DLC1: variants seen among roughly 807,000 people sequenced by gnomAD.
The protein encoded by DLC1 is rho GTPase-activating protein 7.
Under a neutral mutation model 140.3 loss-of-function variants are expected in DLC1, and 54 were observed. The observed-to-expected ratio is 0.38, with a 90% CI of 0.31 to 0.48. The LOEUF is 0.48. DLC1 is among the 20% of genes least tolerant of loss of function. The probability of loss-of-function intolerance (pLI) is 0.96; values close to 1 mark genes in which losing one functional copy is unlikely to be tolerated. For missense variants in DLC1, 2,536 were observed against 1,907.0 expected, an observed-to-expected ratio of 1.33 and a Z score of -6.14; for synonymous variants, 986 against 728.1, an observed-to-expected ratio of 1.35 and a Z score of -5.70.
chr8:13,143,526 GT>G (rs768081886), intron 5 of DLC1, among the ~76,000 whole-genome samples: 3 of 152,100 alleles, frequency 2.0e-5, no homozygotes, highest in Non-Finnish European at 4.4e-5. Flanking sequence ...TGTGATCACG[GT>G]TCACTGCAGC....
At chr8:13,325,447 TATACACAC>T (rs1833298115) in intron 4 of DLC1, among the ~76,000 whole-genome samples, 1 of 149,058 alleles carries the variant, frequency 6.7e-6, no homozygotes, top group African/African-American at 2.5e-5. Context: ...AATAGTTCTG[TATACACAC>T]ACACACACAC....
chr8:13,600,135 T>C (rs1805824698), intron 1 of DLC1, among the ~76,000 whole-genome samples: 1 of 151,820 alleles, frequency 6.6e-6, no homozygotes, highest in Non-Finnish European at 1.5e-5. Context: ...TACCAAAAAT[T>C]CTGAGTATAA....
chr8:13,102,037 AT>A (rs1819138531), intron 8 of DLC1, among the ~76,000 whole-genome samples: 2 of 152,108 alleles, frequency 1.3e-5, no homozygotes, highest in African/African-American at 4.8e-5. Context: ...GTTCCAGTTC[AT>A]TTGTTTAAAA....
chr8:13,207,666 G>C (rs1466636985), intron 5 of DLC1, among the ~76,000 whole-genome samples: 1 of 152,118 alleles, frequency 6.6e-6, no homozygotes, highest in African/African-American at 2.4e-5. Context: ...TTAGAGTAGT[G>C]GTTCTCAGTT....
intron 1 of DLC1, among the ~76,000 whole-genome samples, chr8:13,506,418 C>T (rs1416370773): frequency 4.0e-5 from 6 of 151,384 alleles, no homozygotes; most frequent in African/African-American, 9.7e-5. Context: ...TCTTTTCTTA[C>T]TTCTTCCTTA....
intron 5 of DLC1, among the ~76,000 whole-genome samples, chr8:13,156,719 C>T (rs1824286399): frequency 6.6e-6 from 1 of 152,098 alleles, no homozygotes; most frequent in Non-Finnish European, 1.5e-5. Flanking sequence ...AGAATGTTCG[C>T]AACTCAAAAA....
intron 5 of DLC1, among the ~76,000 whole-genome samples, chr8:13,270,829 G>T (rs1246394811): frequency 6.6e-6 from 1 of 152,182 alleles, no homozygotes; most frequent in Admixed American, 6.5e-5. Flanking sequence ...CCCTCAGGAA[G>T]TAGGGTATCA....
At chr8:13,422,773 G>A (rs1037390249) in intron 2 of DLC1, among the ~76,000 whole-genome samples, 6 of 151,432 alleles carry the variant, frequency 4.0e-5, no homozygotes, top group African/African-American at 1.5e-4. Flanking sequence ...ACTACATCTG[G>A]TGGATCAACA....
intron 1 of DLC1, among the ~76,000 whole-genome samples, chr8:13,512,279 C>T (rs1332477082): frequency 3.4e-5 from 5 of 147,632 alleles, no homozygotes; most frequent in Non-Finnish European, 7.4e-5. Flanking sequence ...AAGGAAATGG[C>T]AGCTATTAGA....
intron 1 of DLC1, among the ~76,000 whole-genome samples, chr8:13,500,481 T>G (rs1369701459): frequency 6.6e-6 from 1 of 152,218 alleles, no homozygotes; most frequent in Admixed American, 6.5e-5. Context: ...CATTTAAAAC[T>G]CCATTAAGAA....
intron 4 of DLC1, among the ~76,000 whole-genome samples, chr8:13,371,467 G>C (rs1025869497): frequency 1.3e-5 from 2 of 152,076 alleles, no homozygotes; most frequent in Non-Finnish European, 2.9e-5. Flanking sequence ...ATTCTAACCA[G>C]CCTCTGCTCC....
intron 5 of DLC1, among the ~76,000 whole-genome samples, chr8:13,210,835 C>A (rs994835299): frequency 6.6e-6 from 1 of 152,052 alleles, no homozygotes; most frequent in Non-Finnish European, 1.5e-5. Context: ...CTATTCTTGC[C>A]GCTTTTAAGT....
intron 5 of DLC1, among the ~76,000 whole-genome samples, chr8:13,273,652 G>C (rs558532183): frequency 7.7e-6 from 1 of 129,968 alleles, no homozygotes; most frequent in Non-Finnish European, 1.6e-5. Flanking sequence ...GATGCTTTTT[G>C]TACATGATAT....
At chr8:13,561,312 G>A (rs1287973265) in intron 1 of DLC1, among the ~76,000 whole-genome samples, 2 of 151,886 alleles carry the variant, frequency 1.3e-5, no homozygotes, top group African/African-American at 4.8e-5. Flanking sequence ...GCCACACCTG[G>A]TGCAACTGCA....
intron 2 of DLC1, among the ~76,000 whole-genome samples, chr8:13,459,049 G>T (rs574053253): frequency 2.1e-4 from 32 of 152,208 alleles, no homozygotes; most frequent in Non-Finnish European, 4.0e-4. Flanking sequence ...TCCAGCTAAT[G>T]AATAATATTT....
At chr8:13,358,948 T>G (rs1018839555) in intron 4 of DLC1, among the ~76,000 whole-genome samples, 2 of 151,862 alleles carry the variant, frequency 1.3e-5, no homozygotes, top group African/African-American at 4.8e-5. Context: ...TTACAAACTT[T>G]TTTTCTTTGA....
At chr8:13,131,589 G>A (rs939402235) in intron 5 of DLC1, among the ~76,000 whole-genome samples, 3 of 152,136 alleles carry the variant, frequency 2.0e-5, no homozygotes, top group African/African-American at 7.2e-5. Flanking sequence ...CTTTCTTTAA[G>A]TGCAGATTAA....
chr8:13,188,827 G>GTATATATATATATATATATATGTA (rs1563149780), intron 5 of DLC1, among the ~76,000 whole-genome samples: 1 of 28,626 alleles, frequency 3.5e-5, no homozygotes, highest in Non-Finnish European at 7.3e-5. Flanking sequence ...ATATATATAT[G>GTATATATATATATATATATATGTA]TATATATATA....
chr8:13,137,809 A>G (rs532389815), intron 5 of DLC1, among the ~76,000 whole-genome samples: 1 of 151,620 alleles, frequency 6.6e-6, no homozygotes, highest in Admixed American at 6.6e-5. Context: ...CATTGGCCAG[A>G]CTGGTCTCGA....
Sources: gnomAD v4.1 joint callset for allele counts (sites outside exome capture counted in the v4.1 genomes callset) on GRCh38, gnomAD v4.1.1 for gene constraint, MANE v1.5 for transcripts, NCBI Gene and HGNC (gene_info 2026-07-23, HGNC 2026-07-21) for gene names.